The following ADAM18 variants were observed in gnomAD, a reference collection of about 807,000 sequenced individuals.
ADAM18 encodes the protein ADAM metallopeptidase domain 18.
ADAM18 carries 117 observed loss-of-function variants against 94.4 expected under a neutral mutation model. That is an observed-to-expected ratio of 1.24 (90% confidence interval 1.07 to 1.45). The LOEUF (loss-of-function observed/expected upper bound fraction) is 1.45, where lower values mean the gene tolerates loss of function less well. Among genes scored for constraint, ADAM18 ranks in the 40% most tolerant of loss-of-function variants. The probability of loss-of-function intolerance (pLI) is 0.00; values close to 1 mark genes in which losing one functional copy is unlikely to be tolerated. For missense variants in ADAM18, 936 were observed against 880.0 expected (o/e 1.06, Z -0.81); for synonymous variants, 327 against 291.6 (o/e 1.12, Z -1.24).
At chr8:39,718,695 G>A (rs143786977) in intron 18 of ADAM18, among the ~76,000 whole-genome samples, 37 of 150,034 alleles carry the variant, frequency 2.5e-4, no homozygotes, top group African/African-American at 8.2e-4. Context: ...TAGATCTCTC[G>A]TTAGGTAGGT....
At chr8:39,605,108 G>A (rs965449955) in intron 2 of ADAM18, among the ~76,000 whole-genome samples, 1 of 152,142 alleles carries the variant, frequency 6.6e-6, no homozygotes, top group Non-Finnish European at 1.5e-5. Flanking sequence ...GAGCCTGTGT[G>A]CTCCTTTTTC....
At chr8:39,719,341 G>T (rs1464593270) in intron 18 of ADAM18, among the ~76,000 whole-genome samples, 6 of 151,214 alleles carry the variant, frequency 4.0e-5, no homozygotes, top group Admixed American at 2.0e-4. Context: ...TTAACTCAAA[G>T]TTGATTACAG....
chr8:39,606,066 T>A (rs1318219360), intron 2 of ADAM18, among the ~76,000 whole-genome samples: 1 of 152,182 alleles, frequency 6.6e-6, no homozygotes, highest in Non-Finnish European at 1.5e-5. Flanking sequence ...TAGTATTCCA[T>A]CATGTATATA....
At chr8:39,618,980 G>A (rs902823530) in intron 6 of ADAM18, among the ~76,000 whole-genome samples, 12 of 151,978 alleles carry the variant, frequency 7.9e-5, no homozygotes, top group Admixed American at 5.2e-4. Context: ...ATCTTTTATC[G>A]AGCAATAGTT....
intron 7 of ADAM18, among the ~76,000 whole-genome samples, chr8:39,637,019 TTA>T (rs35248371): frequency 0.046 from 2,472 of 53,942 alleles, 25 homozygotes; most frequent in East Asian, 0.092. Flanking sequence ...TGTGTGTATT[TTA>T]TATATATATA....
chr8:39,588,454 G>A (rs2129457961), intron 2 of ADAM18, among the ~76,000 whole-genome samples: 1 of 152,176 alleles, frequency 6.6e-6, no homozygotes, highest in South Asian at 2.1e-4. Flanking sequence ...GTTGTAGAAG[G>A]TCCTTTTGAC....
intron 12 of ADAM18, among the ~76,000 whole-genome samples, chr8:39,656,041 A>T (rs1005238640): frequency 6.6e-6 from 1 of 152,052 alleles, no homozygotes; most frequent in Non-Finnish European, 1.5e-5. Context: ...CTAAGATGTA[A>T]TTTTTTGTCC....
chr8:39,688,185 C>T (rs975985000), intron 16 of ADAM18, among the ~76,000 whole-genome samples: 1 of 152,106 alleles, frequency 6.6e-6, no homozygotes, highest in African/African-American at 2.4e-5. Flanking sequence ...TTTTGATTTG[C>T]ATGTCTCTAA....
chr8:39,593,046 G>C (rs573968721), intron 2 of ADAM18, among the ~76,000 whole-genome samples: 39 of 152,188 alleles, frequency 2.6e-4, no homozygotes, highest in Non-Finnish European at 4.3e-4. Flanking sequence ...TTGCATTTTT[G>C]TTATGGAGAT....
chr8:39,711,556 T>G (rs1372688450), intron 18 of ADAM18, among the ~76,000 whole-genome samples: 1 of 151,908 alleles, frequency 6.6e-6, no homozygotes, highest in Non-Finnish European at 1.5e-5. Context: ...TCAATAGAGA[T>G]AGAAATTACT....
At position 39,688,850 on chromosome 8, in the gene ADAM18, T is replaced by A. The variant is rs534088022; in HGVS notation, c.1822-3750T>A. Among the ~76,000 whole-genome samples, 216 of 152,354 alleles carry A rather than the reference T, an allele frequency of 1.4e-3. 1 individual carries two copies. The highest frequency in any genetic ancestry group is 2.4e-3 in the Non-Finnish European group (165 of 68,038). ...CTAATAGTGTGTAAGCATTCCTTTT[T>A]CTCCACAACTTTGACAGCATCTGTT... On this transcript the variant is annotated intron_variant, in intron 16 of 19. Coordinates refer to ENST00000265707, the MANE Select transcript of ADAM18 (RefSeq NM_014237.3).
At position 39,696,341 on chromosome 8, in the gene ADAM18, T is replaced by C. The variant is rs559680109; in HGVS notation, c.1902+3661T>C. On this transcript the variant is annotated intron_variant, in intron 17 of 19. Transcript: ENST00000265707. ...TCCATTCTAAATGTTGTCTTTTCAC[T>C]GTCTTGATAATATGTTTTGTGTACA... is the stretch of plus-strand genomic sequence containing the variant. Among the ~76,000 whole-genome samples, 22 of 151,672 alleles carry C rather than the reference T, an allele frequency of 1.5e-4. No individual in the cohort carries two copies. In the South Asian group the frequency reaches 4.6e-3, roughly 31 times the overall value.
chr8:39,642,231 T>C (rs1165195362), intron 10 of ADAM18, among the ~76,000 whole-genome samples: 3 of 152,058 alleles, frequency 2.0e-5, no homozygotes, highest in African/African-American at 7.2e-5. Context: ...CTATTGAGAG[T>C]TTCCTATGCT....
At chr8:39,667,306 G>A (rs1216898170) in intron 13 of ADAM18, among the ~76,000 whole-genome samples, 1 of 151,214 alleles carries the variant, frequency 6.6e-6, no homozygotes, top group Non-Finnish European at 1.5e-5. Flanking sequence ...GGAGGCTGAG[G>A]CAGGAGAATT....
At chr8:39,665,289 TA>T (rs1306351543) in intron 13 of ADAM18, among the ~76,000 whole-genome samples, 3 of 152,230 alleles carry the variant, frequency 2.0e-5, no homozygotes, top group African/African-American at 7.2e-5. Flanking sequence ...AGTGACTGCA[TA>T]TTAGTAGTAT....
intron 17 of ADAM18, among the ~76,000 whole-genome samples, chr8:39,703,204 T>A (rs1822138162): frequency 6.6e-6 from 1 of 152,176 alleles, no homozygotes; most frequent in Non-Finnish European, 1.5e-5. Flanking sequence ...ACCTGCCTAG[T>A]TAGCTGTATT....
Position 39,637,639 on chromosome 8 carries a change from A to G in ADAM18, c.763A>G (p.Arg255Gly), listed in dbSNP as rs1820119868. 1 of 1,612,864 alleles carries G rather than the reference A, an allele frequency of 6.2e-7. No individual in the cohort carries two copies. Among genetic ancestry groups the G allele is most frequent in the Non-Finnish European group, 8.5e-7 (1 of 1,179,304 alleles). The change falls in exon 9 of 20, where the codon AGA becomes GGA. Residue 255 changes from arginine (R) to glycine (G), a missense_variant. By Grantham distance (125) the Arg-to-Gly change is moderately radical (BLOSUM62 -2). Transcript: ENST00000265707. ...TGGGGATGCTGATGATATATTACAA[A>G]GATTTTTGGCATGGAAACGGGACTA... ...TSGDADDILQ[R>G]FLAWKRDYLI...
At chr8:39,610,502 A>C (rs925413610) in intron 5 of ADAM18, 27 bp from the exon 6 acceptor site, 13 of 1,567,934 alleles carry the variant, frequency 8.3e-6, no homozygotes, top group Non-Finnish European at 1.0e-5. Context: ...TTTTATAACT[A>C]TTTTCTTATG....
At chr8:39,668,283 A>G in intron 14 of ADAM18, 87 bp downstream of exon 14, 4 of 1,251,184 alleles carry the variant, frequency 3.2e-6, no homozygotes, top group Non-Finnish European at 4.5e-6. Flanking sequence ...CTAGAAGTGG[A>G]AGAAACTGAA....
Sources: allele counts gnomAD v4.1 joint callset (sites outside exome capture counted in the v4.1 genomes callset), GRCh38; gene constraint gnomAD v4.1.1; transcripts MANE v1.5; gene names NCBI Gene and HGNC (gene_info 2026-07-23, HGNC 2026-07-21).